Variants in WARS2 observed in about 807,000 individuals in gnomAD.
WARS2 encodes tryptophanyl tRNA synthetase 2, mitochondrial.
Under a neutral mutation model 36.5 loss-of-function variants are expected in WARS2, and 28 were observed. The ratio of observed to expected loss-of-function variants is 0.77; its 90% CI spans 0.57 to 1.05. The LOEUF is 1.05. Among genes scored for constraint, WARS2 ranks in the 50% least tolerant of loss-of-function variants. WARS2 has a pLI of 0.00. For missense variants in WARS2, 435 were observed against 456.8 expected (o/e 0.95, Z 0.44); for synonymous variants, 174 against 178.4 (o/e 0.98, Z 0.20).
intron 2 of WARS2, among the ~76,000 whole-genome samples, chr1:119,059,708 G>A (rs1650217617): frequency 1.3e-5 from 2 of 152,136 alleles, no homozygotes; most frequent in African/African-American, 4.8e-5. Context: ...ATATAAAAAT[G>A]TATGTTGAAA....
intron 1 of WARS2, among the ~76,000 whole-genome samples, chr1:119,084,181 A>AT (rs67263581): frequency 0.99 from 147,387 of 149,244 alleles, 72,774 homozygotes; most frequent in East Asian, 1. Flanking sequence ...ACGTCGGCTA[A>AT]TTTTTTTTTT....
chr1:119,117,468 C>A (rs1571383814), intron 1 of WARS2, among the ~76,000 whole-genome samples: 1 of 152,236 alleles, frequency 6.6e-6, no homozygotes, highest in Non-Finnish European at 1.5e-5. Context: ...TCTACTATTG[C>A]AGCTGGCACT....
chr1:119,083,272 C>T (rs909249786), intron 1 of WARS2, among the ~76,000 whole-genome samples: 5 of 151,502 alleles, frequency 3.3e-5, no homozygotes, highest in East Asian at 3.9e-4. Context: ...AGAAAGTATA[C>T]ACTGTTTTGT....
intron 1 of WARS2, among the ~76,000 whole-genome samples, chr1:119,133,075 G>A (rs1202503395): frequency 6.6e-6 from 1 of 152,174 alleles, no homozygotes; most frequent in Non-Finnish European, 1.5e-5. Flanking sequence ...TCTACCTGCA[G>A]GGCTCTGTGC....
intron 1 of WARS2, among the ~76,000 whole-genome samples, chr1:119,129,900 C>A (rs965202802): frequency 6.6e-6 from 1 of 152,108 alleles, no homozygotes; most frequent in South Asian, 2.1e-4. Context: ...AATATAAATT[C>A]TTTGCACAAC....
chr1:119,042,145 C>G (rs1230879568), intron 4 of WARS2, 119 bp downstream of exon 4: 1 of 798,114 alleles, frequency 1.3e-6, no homozygotes, highest in Non-Finnish European at 2.1e-6. Flanking sequence ...TAAACTGATT[C>G]AGATGTCTGA....
At chr1:119,067,563 C>T (rs1650975813) in intron 2 of WARS2, among the ~76,000 whole-genome samples, 1 of 152,226 alleles carries the variant, frequency 6.6e-6, no homozygotes, top group South Asian at 2.1e-4. Flanking sequence ...TCTCCATCTT[C>T]TAATCCCACT....
At chr1:119,075,530 T>C (rs587712342) in intron 2 of WARS2, among the ~76,000 whole-genome samples, 2 of 152,322 alleles carry the variant, frequency 1.3e-5, no homozygotes, top group East Asian at 3.8e-4. Context: ...TAACAAAACA[T>C]ATATAAAAAT....
chr1:119,120,051 A>G (rs1014792290), intron 1 of WARS2, among the ~76,000 whole-genome samples: 3 of 152,178 alleles, frequency 2.0e-5, no homozygotes, highest in Non-Finnish European at 4.4e-5. Flanking sequence ...GAAGAAAAAT[A>G]ACAAAGATCA....
intron 1 of WARS2, chr1:119,140,291 G>A (rs967907714): frequency 5.6e-6 from 2 of 354,136 alleles, no homozygotes; most frequent in Non-Finnish European, 1.0e-5. Context: ...AACAGCGGCG[G>A]CGCTCCGCTC....
At chr1:119,131,121 T>C (rs187609144) in intron 1 of WARS2, among the ~76,000 whole-genome samples, 1 of 152,322 alleles carries the variant, frequency 6.6e-6, no homozygotes. Flanking sequence ...AATTTCAAAA[T>C]GGAAGCAATC....
At position 119,071,961 on chromosome 1, in the gene WARS2, C is replaced by T. The variant is rs368208765; in HGVS notation, c.348+4389G>A. Among the ~76,000 whole-genome samples the T allele has an allele frequency of 7.2e-5, 11 of 152,018 alleles. No homozygotes were observed. In the East Asian group the frequency reaches 1.9e-3, roughly 27 times the overall value. On this transcript the variant is annotated intron_variant, in intron 2 of 5. Coordinates refer to ENST00000235521, the MANE Select transcript of WARS2 (RefSeq NM_015836.4). The stretch of plus-strand genomic sequence containing the variant: ...AAAAAAGAATTCTTCCTAGCATTGC[C>T]TGTTAAAAAGAAGAAAAAGAAAAAA...
chr1:119,099,786 A>C (rs974638476), intron 1 of WARS2, among the ~76,000 whole-genome samples: 3 of 152,218 alleles, frequency 2.0e-5, no homozygotes, highest in African/African-American at 7.2e-5. Context: ...ATCTCTTACC[A>C]TATACAGAAA....
At chr1:119,033,645 A>G (rs1647635603) in intron 5 of WARS2, among the ~76,000 whole-genome samples, 1 of 152,184 alleles carries the variant, frequency 6.6e-6, no homozygotes, top group African/African-American at 2.4e-5. Context: ...ATTATAGACT[A>G]ATGTAAGTGT....
chr1:119,041,367 G>T (rs1648348273), intron 4 of WARS2, among the ~76,000 whole-genome samples: 2 of 152,140 alleles, frequency 1.3e-5, no homozygotes, highest in African/African-American at 2.4e-5. Context: ...TTGAGAGGGG[G>T]ATGAAATCAG....
intron 4 of WARS2, 39 bp from the exon 5 acceptor site, chr1:119,034,252 C>G (rs991763953): frequency 6.5e-7 from 1 of 1,530,788 alleles, no homozygotes; most frequent in Non-Finnish European, 9.0e-7. Flanking sequence ...CAGCAAGGCT[C>G]TTTCTTAGAG....
At chr1:119,050,278 G>T (rs1438325163) in intron 2 of WARS2, among the ~76,000 whole-genome samples, 1 of 152,112 alleles carries the variant, frequency 6.6e-6, no homozygotes, top group African/African-American at 2.4e-5. Context: ...CCTTGTCTTT[G>T]CTCTAATATC....
intron 1 of WARS2, among the ~76,000 whole-genome samples, chr1:119,078,068 G>A (rs922694329): frequency 1.3e-5 from 2 of 152,144 alleles, no homozygotes; most frequent in Non-Finnish European, 2.9e-5. Flanking sequence ...AGAGACGTGA[G>A]GCTCACAGAT....
intron 1 of WARS2, among the ~76,000 whole-genome samples, chr1:119,112,160 G>C (rs1300034691): frequency 6.6e-6 from 1 of 152,106 alleles, no homozygotes; most frequent in African/African-American, 2.4e-5. Flanking sequence ...GACCTCAGGT[G>C]ATCTGGCCGC....
Sources: gnomAD v4.1 joint callset for allele counts (sites outside exome capture counted in the v4.1 genomes callset) on GRCh38, gnomAD v4.1.1 for gene constraint, MANE v1.5 for transcripts, NCBI Gene and HGNC (gene_info 2026-07-23, HGNC 2026-07-21) for gene names.